Variants in TTC6 observed in about 807,000 individuals in gnomAD.
The protein encoded by TTC6 is tetratricopeptide repeat protein 6.
TTC6 carries 172 observed loss-of-function variants against 210.4 expected under a neutral mutation model. That is an observed-to-expected ratio of 0.82 (90% confidence interval 0.72 to 0.93). The LOEUF (loss-of-function observed/expected upper bound fraction) is 0.93. TTC6 is among the 40% of genes least tolerant of loss of function. The probability of loss-of-function intolerance (pLI) is 0.00; values close to 1 mark genes in which losing one functional copy is unlikely to be tolerated. For synonymous variants in TTC6, 804 were observed against 819.6 expected, an observed-to-expected ratio of 0.98 and a Z score of 0.32; for missense variants, 2,414 against 2,318.1, an observed-to-expected ratio of 1.04 and a Z score of -0.85.
intron 1 of TTC6, among the ~76,000 whole-genome samples, chr14:37,599,281 C>T (rs1045184702): frequency 1.3e-5 from 2 of 152,178 alleles, no homozygotes; most frequent in Non-Finnish European, 2.9e-5. Context: ...TCCCTTGGTT[C>T]CATCATTAAA....
At chr14:37,680,288 T>A (rs1420677535) in intron 2 of TTC6, 27 bp downstream of exon 4, 1 of 1,398,638 alleles carries the variant, frequency 7.1e-7, no homozygotes, top group Non-Finnish European at 9.6e-7. Flanking sequence ...AAATCCTCCT[T>A]GCCTCTGTTA....
At chr14:37,709,372 G>A (rs1460170015) in intron 5 of TTC6, among the ~76,000 whole-genome samples, 4 of 152,030 alleles carry the variant, frequency 2.6e-5, no homozygotes, top group Non-Finnish European at 4.4e-5. Context: ...GGAATTAATA[G>A]TAACCTCATT....
At chr14:37,604,714 G>A (rs74517709) in intron 1 of TTC6, among the ~76,000 whole-genome samples, 4,646 of 152,110 alleles carry the variant, frequency 0.031, 259 homozygotes, top group African/African-American at 0.1. Flanking sequence ...TGAAATCTGG[G>A]CTTCTGAGAA....
chr14:37,837,279 G>T, intron 29 of TTC6: 1 of 383,252 alleles, frequency 2.6e-6, no homozygotes, highest in Non-Finnish European at 5.1e-6. Context: ...CTTCTTTATT[G>T]ATAATTTATT....
At chr14:37,617,320 G>T (rs760888879), upstream of TTC6, among the ~76,000 whole-genome samples, 1 of 152,184 alleles carries the variant, frequency 6.6e-6, no homozygotes, top group Non-Finnish European at 1.5e-5. Flanking sequence ...ATTTTTGAAT[G>T]TAAGTATATT....
chr14:37,654,937 A>G (rs529783180), intron 1 of TTC6, among the ~76,000 whole-genome samples: 195 of 152,296 alleles, frequency 1.3e-3, no homozygotes, highest in African/African-American at 4.6e-3. Flanking sequence ...TTATCTGAAG[A>G]TTATACTTTC....
chr14:37,805,445 AC>A (rs2096116231), intron 21 of TTC6, among the ~76,000 whole-genome samples: 1 of 151,668 alleles, frequency 6.6e-6, no homozygotes, highest in Admixed American at 6.6e-5. Flanking sequence ...ACACACACAC[AC>A]ACACACAAAC....
intron 1 of TTC6, among the ~76,000 whole-genome samples, chr14:37,675,311 G>A (rs1045435785): frequency 3.9e-5 from 6 of 152,008 alleles, no homozygotes; most frequent in Admixed American, 3.3e-4. Context: ...TCATATAAAT[G>A]GAATCATACA....
intron 2 of TTC6, among the ~76,000 whole-genome samples, chr14:37,611,624 A>G (rs1366096225): frequency 1.3e-5 from 2 of 152,100 alleles, no homozygotes; most frequent in African/African-American, 4.8e-5. Context: ...AGGTAGGTGC[A>G]CGACGCCCCA....
rs116544288 is a variant in TTC6, at chr14:37,686,646, G to A, written c.1257+3682G>A. ...GCTGGGGAGACCTCACAATCATGGT[G>A]GAAGGTGAGACGTGTGTCTCACACG... On this transcript the variant is annotated intron_variant, in intron 3 of 30. Transcript: ENST00000553443. Among the ~76,000 whole-genome samples the A allele has an allele frequency of 1.4e-3, 214 of 152,308 alleles. 2 individuals carry two copies. Among genetic ancestry groups the A allele is most frequent in the African/African-American group, 5.1e-3 (210 of 41,572 alleles).
intron 1 of TTC6, among the ~76,000 whole-genome samples, chr14:37,659,952 T>C (rs1277791675): frequency 1.3e-5 from 2 of 152,204 alleles, no homozygotes; most frequent in African/African-American, 4.8e-5. Context: ...TAGAGCCGTT[T>C]GCTTTTTCTT....
intron 10 of TTC6, among the ~76,000 whole-genome samples, chr14:37,746,259 A>G (rs1595188866): frequency 1.3e-5 from 2 of 152,056 alleles, no homozygotes; most frequent in Admixed American, 6.6e-5. Context: ...CAGCACCCAC[A>G]AGGCTTTTCA....
intron 1 of TTC6, among the ~76,000 whole-genome samples, chr14:37,599,610 C>A (rs1218501439): frequency 2.0e-5 from 3 of 152,188 alleles, no homozygotes; most frequent in Admixed American, 6.5e-5. Context: ...GATGTCGGAG[C>A]CGGAGCTGCT....
intron 9 of TTC6, 71 bp from the exon 12 acceptor site, chr14:37,738,705 T>C (rs2138942179): frequency 8.2e-7 from 1 of 1,212,948 alleles, no homozygotes; most frequent in Non-Finnish European, 1.1e-6. Context: ...TGTAACAGAA[T>C]TAATTAATTT....
chr14:37,801,295 A>G (rs777031513), intron 20 of TTC6, among the ~76,000 whole-genome samples: 9 of 152,140 alleles, frequency 5.9e-5, no homozygotes, highest in Admixed American at 1.3e-4. Flanking sequence ...ATGAAATTTT[A>G]GATGTTGAGC....
intron 5 of TTC6, among the ~76,000 whole-genome samples, chr14:37,709,546 T>A (rs1320533309): frequency 2.6e-5 from 4 of 151,988 alleles, no homozygotes; most frequent in Non-Finnish European, 5.9e-5. Flanking sequence ...ATTTGAAAAT[T>A]TGTCTGTTAC....
upstream of TTC6, among the ~76,000 whole-genome samples, chr14:37,619,137 G>A (rs1426515317): frequency 1.3e-5 from 2 of 152,156 alleles, no homozygotes; most frequent in African/African-American, 4.8e-5. Flanking sequence ...AATTTCTAAT[G>A]TTCATATCCT....
At chr14:37,743,907 G>A (rs996863951) in intron 10 of TTC6, among the ~76,000 whole-genome samples, 1 of 152,152 alleles carries the variant, frequency 6.6e-6, no homozygotes, top group East Asian at 1.9e-4. Flanking sequence ...AATGTGGATG[G>A]GACATAGAAC....
At chr14:37,627,399 G>A (rs758797859) in intron 1 of TTC6, among the ~76,000 whole-genome samples, 27 of 151,556 alleles carry the variant, frequency 1.8e-4, no homozygotes, top group East Asian at 5.8e-4. Flanking sequence ...GGTTTGCTGC[G>A]CCCATCAACC....
Sources: allele counts gnomAD v4.1 joint callset (sites outside exome capture counted in the v4.1 genomes callset), GRCh38; gene constraint gnomAD v4.1.1; transcripts MANE v1.5; gene names NCBI Gene and HGNC (gene_info 2026-07-23, HGNC 2026-07-21).